Variants in FHIT observed in about 807,000 individuals in gnomAD.
FHIT encodes bis(5'-adenosyl)-triphosphatase.
Under a neutral mutation model 17.9 loss-of-function variants are expected in FHIT, and 19 were observed. That is an observed-to-expected ratio of 1.06 (90% CI 0.74 to 1.56). The LOEUF (loss-of-function observed/expected upper bound fraction) is 1.56, where lower values mean the gene tolerates loss of function less well. Among genes scored for constraint, FHIT ranks in the 40% most tolerant of loss-of-function variants. FHIT has a pLI of 0.00. For synonymous variants in FHIT, 81 were observed against 69.7 expected (o/e 1.16, Z -0.81); for missense variants, 248 against 189.2 (o/e 1.31, Z -1.82).
At chr3:60,107,030 G>A (rs1704448887) in intron 5 of FHIT, among the ~76,000 whole-genome samples, 1 of 151,652 alleles carries the variant, frequency 6.6e-6, no homozygotes, top group Non-Finnish European at 1.5e-5. Flanking sequence ...TTTATAATAG[G>A]TGAATTAATC....
chr3:60,963,383 C>T (rs1447505040), intron 3 of FHIT, among the ~76,000 whole-genome samples: 1 of 152,166 alleles, frequency 6.6e-6, no homozygotes, highest in Non-Finnish European at 1.5e-5. Context: ...AAAACCAGCT[C>T]CTGGATTCAC....
chr3:59,992,579 G>A (rs1453474670), intron 7 of FHIT, among the ~76,000 whole-genome samples: 1 of 151,898 alleles, frequency 6.6e-6, no homozygotes, highest in Non-Finnish European at 1.5e-5. Context: ...AAAACATAAG[G>A]CAAAAACTAG....
intron 5 of FHIT, among the ~76,000 whole-genome samples, chr3:60,491,198 C>G: frequency 6.6e-6 from 1 of 152,028 alleles, no homozygotes; most frequent in East Asian, 1.9e-4. Flanking sequence ...CAATAGCAAA[C>G]AAGTCTATTT....
intron 5 of FHIT, among the ~76,000 whole-genome samples, chr3:60,059,469 C>T (rs976317149): frequency 6.6e-6 from 1 of 152,108 alleles, no homozygotes; most frequent in Non-Finnish European, 1.5e-5. Context: ...CATATAAAAC[C>T]CACGTCAAAA....
At chr3:61,095,106 T>G (rs964533458) in intron 2 of FHIT, among the ~76,000 whole-genome samples, 1 of 152,154 alleles carries the variant, frequency 6.6e-6, no homozygotes, top group Non-Finnish European at 1.5e-5. Context: ...CTTCTCTAAC[T>G]ACGTATGGCA....
At chr3:61,173,776 G>A (rs76140277) in intron 2 of FHIT, among the ~76,000 whole-genome samples, 6,941 of 152,244 alleles carry the variant, frequency 0.046, 508 homozygotes, top group East Asian at 0.27. Flanking sequence ...TTAAGGAGAA[G>A]TAGCTTTATA....
chr3:61,214,188 A>C (rs2106784575), intron 1 of FHIT, among the ~76,000 whole-genome samples: 2 of 152,346 alleles, frequency 1.3e-5, no homozygotes, highest in Admixed American at 1.3e-4. Flanking sequence ...GAGACACAAA[A>C]AACCCTTCAA....
intron 3 of FHIT, among the ~76,000 whole-genome samples, chr3:60,910,488 T>C (rs1706686102): frequency 6.6e-6 from 1 of 151,060 alleles, no homozygotes; most frequent in East Asian, 1.9e-4. Flanking sequence ...CTTGGCTCAC[T>C]GCAAGCTCCG....
At chr3:60,627,426 A>G (rs1553681265) in intron 4 of FHIT, among the ~76,000 whole-genome samples, 1 of 152,166 alleles carries the variant, frequency 6.6e-6, no homozygotes, top group East Asian at 1.9e-4. Context: ...ATTTCATCCA[A>G]GTTATCCAAT....
intron 5 of FHIT, among the ~76,000 whole-genome samples, chr3:60,185,148 TC>T (rs1702104269): frequency 6.6e-6 from 1 of 152,170 alleles, no homozygotes; most frequent in Admixed American, 6.5e-5. Context: ...TATTTGTTGC[TC>T]CCACGGTTTA....
chr3:61,062,464 A>C (rs1198574599), intron 2 of FHIT, among the ~76,000 whole-genome samples: 1 of 152,178 alleles, frequency 6.6e-6, no homozygotes, highest in African/African-American at 2.4e-5. Context: ...TATTGGATTT[A>C]TACGATCTTA....
chr3:60,088,640 T>G (rs942365150), intron 5 of FHIT, among the ~76,000 whole-genome samples: 4 of 152,188 alleles, frequency 2.6e-5, no homozygotes, highest in Admixed American at 6.5e-5. Context: ...CTTGGATCTC[T>G]CTTATGGGAG....
At chr3:60,187,236 A>G (rs1702195934) in intron 5 of FHIT, among the ~76,000 whole-genome samples, 1 of 152,182 alleles carries the variant, frequency 6.6e-6, no homozygotes, top group Non-Finnish European at 1.5e-5. Flanking sequence ...CCTAATGTCA[A>G]ACTGCAATCA....
chr3:60,148,446 T>C (rs1002654509), intron 5 of FHIT, among the ~76,000 whole-genome samples: 3 of 152,238 alleles, frequency 2.0e-5, no homozygotes, highest in Admixed American at 6.5e-5. Flanking sequence ...ATTTTTATCC[T>C]AGCAAACTAT....
At chr3:60,317,389 T>C (rs778242492) in intron 5 of FHIT, among the ~76,000 whole-genome samples, 23 of 151,732 alleles carry the variant, frequency 1.5e-4, no homozygotes, top group Non-Finnish European at 2.4e-4. Context: ...CTTTACCAAA[T>C]GGTCTATTAG....
chr3:60,414,337 G>C (rs74819100), intron 5 of FHIT, among the ~76,000 whole-genome samples: 241 of 152,270 alleles, frequency 1.6e-3, no homozygotes, highest in African/African-American at 5.6e-3. Context: ...TACCGGACTA[G>C]AGCATAGTGC....
At chr3:60,584,984 T>C (rs781855287) in intron 4 of FHIT, among the ~76,000 whole-genome samples, 5 of 152,038 alleles carry the variant, frequency 3.3e-5, no homozygotes, top group Non-Finnish European at 5.9e-5. Flanking sequence ...TTTTTCTGCA[T>C]TTGCTGCCTT....
At chr3:60,140,536 G>T (rs866016212) in intron 5 of FHIT, among the ~76,000 whole-genome samples, 1 of 151,580 alleles carries the variant, frequency 6.6e-6, no homozygotes, top group Non-Finnish European at 1.5e-5. Context: ...AAGGCAACAT[G>T]GAGGAATCAG....
At chr3:59,880,427 T>C (rs190454381) in intron 8 of FHIT, among the ~76,000 whole-genome samples, 5 of 152,272 alleles carry the variant, frequency 3.3e-5, no homozygotes, top group East Asian at 1.9e-4. Flanking sequence ...GAAAGAACCA[T>C]GTCTGTCTGG....
Sources: allele counts gnomAD v4.1 joint callset (sites outside exome capture counted in the v4.1 genomes callset), GRCh38; gene constraint gnomAD v4.1.1; transcripts MANE v1.5; gene names NCBI Gene and HGNC (gene_info 2026-07-23, HGNC 2026-07-21).